The following IGSF21 variants were observed in gnomAD, a reference collection of about 807,000 sequenced individuals.
IGSF21 encodes the protein immunoglobin superfamily member 21.
In IGSF21, 28 loss-of-function variants were observed where a neutral mutation model predicts 46.8. That is an observed-to-expected ratio of 0.60 (90% CI 0.44 to 0.82). IGSF21 has a LOEUF of 0.82. Ranked by LOEUF, IGSF21 falls within the 40% of genes least tolerant of loss-of-function variation. The pLI is 0.00. For synonymous variants in IGSF21, 284 were observed against 273.6 expected (o/e 1.04, Z -0.38); for missense variants, 624 against 665.5 (o/e 0.94, Z 0.69).
chr1:18,227,088 C>A (rs139509203), intron 1 of IGSF21, among the ~76,000 whole-genome samples: 1 of 152,302 alleles, frequency 6.6e-6, no homozygotes, highest in Non-Finnish European at 1.5e-5. Flanking sequence ...GGAAGCATCA[C>A]CTGGTGTTTG....
rs748743977 is a variant in IGSF21 at position 18,228,048 on chromosome 1, A to G, written c.183+38A>G. On this transcript the variant is annotated intron_variant, in intron 2 of 9. Transcript: ENST00000251296. ...TACTGCCCCCTTCATGCCCATGGCC[A>G]GGACTGGTGTGAGGTCCTCAGAGCC... is the stretch of plus-strand genomic sequence containing the variant. 2.0e-6 allele frequency: 3 copies of G among 1,513,782 alleles called. No individual in the cohort carries two copies. The East Asian group carries it at 6.8e-5, about 34-fold the overall frequency. The allele number at this position is 1,513,782 out of a possible 1,614,324, so 93.8% of individuals were successfully genotyped here.
intron 2 of IGSF21, among the ~76,000 whole-genome samples, chr1:18,246,045 G>C (rs1463148456): frequency 1.3e-5 from 2 of 152,194 alleles, no homozygotes; most frequent in African/African-American, 4.8e-5. Flanking sequence ...GAATGGTCCA[G>C]CTCTCTGACC....
At chr1:18,274,724 A>G (rs946724884) in intron 2 of IGSF21, among the ~76,000 whole-genome samples, 1 of 152,238 alleles carries the variant, frequency 6.6e-6, no homozygotes, top group Non-Finnish European at 1.5e-5. Flanking sequence ...CTTGCTTAGA[A>G]CTAGAATTGG....
chr1:18,325,556 C>T (rs995152669), intron 3 of IGSF21, among the ~76,000 whole-genome samples: 6 of 152,108 alleles, frequency 3.9e-5, no homozygotes, highest in Non-Finnish European at 8.8e-5. Flanking sequence ...AAAATTAGAC[C>T]ACAACTCCCC....
intron 3 of IGSF21, among the ~76,000 whole-genome samples, chr1:18,319,737 T>G (rs1040623): frequency 6.6e-6 from 1 of 152,036 alleles, no homozygotes. Context: ...GTCAGGACTT[T>G]GCTCCTCAGT....
intron 2 of IGSF21, among the ~76,000 whole-genome samples, chr1:18,234,814 A>G (rs569548946): frequency 6.6e-6 from 1 of 152,132 alleles, no homozygotes; most frequent in African/African-American, 2.4e-5. Context: ...GTGGGGGCAC[A>G]GCCAAACCAT....
chr1:18,242,443 G>T (rs891282427), intron 2 of IGSF21, among the ~76,000 whole-genome samples: 34 of 152,196 alleles, frequency 2.2e-4, no homozygotes, highest in African/African-American at 7.2e-4. Context: ...CATTCTTCAA[G>T]AAAGGAAGTT....
intron 3 of IGSF21, among the ~76,000 whole-genome samples, chr1:18,294,360 T>A (rs1267071312): frequency 2.0e-5 from 3 of 152,146 alleles, no homozygotes; most frequent in Admixed American, 2.0e-4. Context: ...ACAAAAAAAA[T>A]TCACCTTTTT....
intron 1 of IGSF21, among the ~76,000 whole-genome samples, chr1:18,169,965 G>C (rs189482609): frequency 6.6e-6 from 1 of 152,072 alleles, no homozygotes; most frequent in Admixed American, 6.5e-5. Context: ...ACAGAGCAGC[G>C]GTGCCAACAA....
intron 2 of IGSF21, among the ~76,000 whole-genome samples, chr1:18,246,721 A>C (rs1569622095): frequency 1.3e-5 from 2 of 152,146 alleles, no homozygotes; most frequent in Admixed American, 1.3e-4. Flanking sequence ...TGTCTAGCGC[A>C]CCCTGGCGGC....
At chr1:18,346,602 C>A (rs371172960) in intron 4 of IGSF21, among the ~76,000 whole-genome samples, 43 of 152,256 alleles carry the variant, frequency 2.8e-4, no homozygotes, top group Non-Finnish European at 2.9e-4. Context: ...GCGGACCTGG[C>A]ACTGGATGGA....
intron 3 of IGSF21, among the ~76,000 whole-genome samples, chr1:18,303,612 G>A (rs1533345): frequency 0.18 from 28,059 of 152,136 alleles, 3,012 homozygotes; most frequent in African/African-American, 0.29. Context: ...ATGCACTTTG[G>A]CATGTTTCAA....
chr1:18,182,173 CT>C (rs35016415), intron 1 of IGSF21, among the ~76,000 whole-genome samples: 2,815 of 108,906 alleles, frequency 0.026, 91 homozygotes, highest in African/African-American at 0.087. Flanking sequence ...TGAAAGGTGT[CT>C]TTTTTTTTTT....
chr1:18,115,907 G>GA (rs1553146748), intron 1 of IGSF21: 46 of 124,530 alleles, frequency 3.7e-4, no homozygotes, highest in East Asian at 1.9e-3. Flanking sequence ...GAAAGAAGGA[G>GA]AGGGAGGGAG....
chr1:18,275,288 C>T (rs2085089056), intron 2 of IGSF21, among the ~76,000 whole-genome samples: 1 of 152,078 alleles, frequency 6.6e-6, no homozygotes, highest in South Asian at 2.1e-4. Context: ...ACCCAGGGAT[C>T]TAAGCTGGGG....
intron 4 of IGSF21, among the ~76,000 whole-genome samples, chr1:18,350,581 T>G (rs1016635918): frequency 1.3e-5 from 2 of 152,140 alleles, no homozygotes; most frequent in East Asian, 3.9e-4. Context: ...ATTGTACAAT[T>G]ACTTGAACTG....
chr1:18,118,745 T>C (rs1439029612), intron 1 of IGSF21, among the ~76,000 whole-genome samples: 1 of 151,902 alleles, frequency 6.6e-6, no homozygotes, highest in East Asian at 1.9e-4. Context: ...TTTGGGAAGG[T>C]GGGGGGAAGA....
chr1:18,121,447 T>C (rs1308177408), intron 1 of IGSF21, among the ~76,000 whole-genome samples: 2 of 152,070 alleles, frequency 1.3e-5, no homozygotes, highest in Non-Finnish European at 2.9e-5. Flanking sequence ...TTTTCTCATC[T>C]ACCTGACTGT....
intron 1 of IGSF21, among the ~76,000 whole-genome samples, chr1:18,209,116 G>A (rs958040871): frequency 6.6e-6 from 1 of 152,170 alleles, no homozygotes; most frequent in African/African-American, 2.4e-5. Flanking sequence ...AATGCATCGA[G>A]TTGCTCGCTT....
Sources: gnomAD v4.1 joint callset for allele counts (sites outside exome capture counted in the v4.1 genomes callset) on GRCh38, gnomAD v4.1.1 for gene constraint, MANE v1.5 for transcripts, NCBI Gene and HGNC (gene_info 2026-07-23, HGNC 2026-07-21) for gene names.